Variants in ROR2 observed in about 807,000 individuals in gnomAD.
The protein encoded by ROR2 is tyrosine-protein kinase transmembrane receptor ROR2.
A neutral mutation model predicts 74.9 loss-of-function variants in ROR2; 33 were observed. That is an observed-to-expected ratio of 0.44 (90% CI 0.33 to 0.59). The LOEUF (loss-of-function observed/expected upper bound fraction) is 0.59, where lower values mean the gene tolerates loss of function less well. Ranked by LOEUF, ROR2 falls within the 20% of genes least tolerant of loss-of-function variation. The pLI, the probability that ROR2 is intolerant of heterozygous loss-of-function variation, is 0.02. For synonymous variants in ROR2, 586 were observed against 558.7 expected (o/e 1.05, Z -0.69); for missense variants, 1,216 against 1,313.8 (o/e 0.93, Z 1.15).
At chr9:91,932,915 C>T (rs1831587904) in intron 1 of ROR2, among the ~76,000 whole-genome samples, 1 of 152,078 alleles carries the variant, frequency 6.6e-6, no homozygotes, top group Admixed American at 6.6e-5. Context: ...TGTTGCTGGG[C>T]CTAGAAAAAC....
intron 6 of ROR2, among the ~76,000 whole-genome samples, chr9:91,732,084 A>G (rs573551683): frequency 2.6e-5 from 4 of 152,144 alleles, no homozygotes; most frequent in African/African-American, 9.6e-5. Flanking sequence ...AACGGGCCCA[A>G]GGACCAGGCC....
At chr9:91,851,353 C>CAAAAAAAAAAAAAAAAAAAAAAAA in intron 1 of ROR2, among the ~76,000 whole-genome samples, 1 of 114,590 alleles carries the variant, frequency 8.7e-6, no homozygotes, top group South Asian at 2.8e-4. Context: ...GACTCCGTCT[C>CAAAAAAAAAAAAAAAAAAAAAAAA]AAAAAAAAAA....
chr9:91,908,216 C>G (rs1214718667), intron 1 of ROR2, among the ~76,000 whole-genome samples: 4 of 152,224 alleles, frequency 2.6e-5, no homozygotes, highest in Non-Finnish European at 2.9e-5. Flanking sequence ...GCTATCTATG[C>G]CAGGAAGGGC....
intron 1 of ROR2, among the ~76,000 whole-genome samples, chr9:91,811,345 A>G (rs1827745669): frequency 2.6e-5 from 4 of 152,226 alleles, no homozygotes; most frequent in Admixed American, 2.6e-4. Flanking sequence ...GGGGGTGCTC[A>G]TTCGGCCCGT....
At chr9:91,749,962 C>T (rs906295950) in intron 4 of ROR2, among the ~76,000 whole-genome samples, 7 of 152,116 alleles carry the variant, frequency 4.6e-5, no homozygotes, top group African/African-American at 1.2e-4. Flanking sequence ...AGTGAAGTGG[C>T]GTGATCTTGG....
intron 1 of ROR2, among the ~76,000 whole-genome samples, chr9:91,850,251 CTTATG>C (rs146512465): frequency 0.25 from 38,268 of 151,896 alleles, 5,189 homozygotes; most frequent in Admixed American, 0.42. Context: ...GAAATCATAA[CTTATG>C]TTATTTTATG....
chr9:91,909,842 G>GT (rs1232142986), intron 1 of ROR2, among the ~76,000 whole-genome samples: 85 of 55,936 alleles, frequency 1.5e-3, no homozygotes, highest in African/African-American at 2.2e-3. Flanking sequence ...TTTTAGGTTT[G>GT]TTTTGTTTTT....
chr9:91,929,993 AC>A (rs977995204), intron 1 of ROR2, among the ~76,000 whole-genome samples: 16 of 152,142 alleles, frequency 1.1e-4, no homozygotes, highest in Middle Eastern at 6.8e-3. Context: ...TGGCTGCTCA[AC>A]CCCTACTGCA....
chr9:91,750,613 G>T (rs1825568775), intron 4 of ROR2, among the ~76,000 whole-genome samples: 2 of 152,128 alleles, frequency 1.3e-5, no homozygotes, highest in Admixed American at 1.3e-4. Flanking sequence ...ACACTAAGTA[G>T]ACAGAAAGGA....
intron 1 of ROR2, among the ~76,000 whole-genome samples, chr9:91,835,963 T>C (rs1224200273): frequency 6.6e-6 from 1 of 152,234 alleles, no homozygotes; most frequent in Admixed American, 6.5e-5. Flanking sequence ...CCTTTCTGTA[T>C]AGCTTGAAAA....
Position 91,851,660 on chromosome 9 carries a change from A to G in ROR2, c.98-75842T>C, listed in dbSNP as rs560580023. ...TAATTTTGGGAGAACAGATATCGTT[A>G]CAATATTACTTTCCCGTTAACAATA... On this transcript the variant is annotated intron_variant, in intron 1 of 8. Transcript: ENST00000375708. Among the ~76,000 whole-genome samples, 5 of 152,274 alleles carry G rather than the reference A, an allele frequency of 3.3e-5. No individual in the cohort carries two copies. In the South Asian group the frequency reaches 1.0e-3, roughly 32 times the overall value.
At chr9:91,911,950 A>AC (rs1254995525) in intron 1 of ROR2, among the ~76,000 whole-genome samples, 21 of 151,840 alleles carry the variant, frequency 1.4e-4, no homozygotes, top group African/African-American at 4.8e-4. Flanking sequence ...AAAAAAAAAA[A>AC]AAAACCACAA....
At chr9:91,874,866 T>C (rs973051017) in intron 1 of ROR2, among the ~76,000 whole-genome samples, 3 of 148,802 alleles carry the variant, frequency 2.0e-5, no homozygotes, top group Non-Finnish European at 3.0e-5. Flanking sequence ...ACCCCAGAGG[T>C]GGAGGTTGCA....
At chr9:91,828,483 G>A in intron 1 of ROR2, among the ~76,000 whole-genome samples, 1 of 152,210 alleles carries the variant, frequency 6.6e-6, no homozygotes, top group East Asian at 1.9e-4. Context: ...TGATGCCGAA[G>A]TGGGTGGATT....
chr9:91,745,592 A>G (rs960781734), intron 4 of ROR2, among the ~76,000 whole-genome samples: 5 of 151,032 alleles, frequency 3.3e-5, no homozygotes, highest in African/African-American at 1.2e-4. Flanking sequence ...CACCTGGCTA[A>G]TTTTTCTATT....
chr9:91,929,386 G>A (rs10124796), intron 1 of ROR2, among the ~76,000 whole-genome samples: 21,439 of 152,166 alleles, frequency 0.14, 3,317 homozygotes, highest in African/African-American at 0.39. Context: ...GCATCTTCGA[G>A]ATGACGCCAG....
chr9:91,938,225 A>G (rs1370093878), intron 1 of ROR2, among the ~76,000 whole-genome samples: 1 of 152,202 alleles, frequency 6.6e-6, no homozygotes, highest in African/African-American at 2.4e-5. Context: ...TTGGGAGGCC[A>G]AAGTGGAGGG....
chr9:91,897,616 C>T (rs115262789), intron 1 of ROR2, among the ~76,000 whole-genome samples: 6,886 of 152,016 alleles, frequency 0.045, 425 homozygotes, highest in East Asian at 0.22. Context: ...GGTGTGAAGG[C>T]GAGCCTAAGA....
At chr9:91,843,131 G>A (rs1370823176) in intron 1 of ROR2, among the ~76,000 whole-genome samples, 2 of 152,146 alleles carry the variant, frequency 1.3e-5, no homozygotes, top group Non-Finnish European at 2.9e-5. Context: ...GAGCATGTTG[G>A]AGCTGGAGGG....
Sources: gnomAD v4.1 joint callset for allele counts (sites outside exome capture counted in the v4.1 genomes callset) on GRCh38, gnomAD v4.1.1 for gene constraint, MANE v1.5 for transcripts, NCBI Gene and HGNC (gene_info 2026-07-23, HGNC 2026-07-21) for gene names.